Variants in LAMB3 observed in about 807,000 individuals in gnomAD.
LAMB3 encodes laminin subunit beta-3.
In LAMB3, 104 loss-of-function variants were observed where a neutral mutation model predicts 140.3. The ratio of observed to expected loss-of-function variants is 0.74; its 90% CI spans 0.63 to 0.87. LAMB3 has a LOEUF of 0.87. Among genes scored for constraint, LAMB3 ranks in the 40% least tolerant of loss-of-function variants. The pLI is 0.00. For missense variants in LAMB3, 1,531 were observed against 1,575.2 expected (o/e 0.97, Z 0.47); for synonymous variants, 592 against 602.9 (o/e 0.98, Z 0.26).
intron 19 of LAMB3, 144 bp downstream of exon 19, chr1:209,618,308 C>G: frequency 1.1e-6 from 1 of 935,922 alleles, no homozygotes; most frequent in Non-Finnish European, 1.7e-6. Context: ...AACCTGCACT[C>G]TGGACTCTGT....
At chr1:209,620,280 G>A (rs1342810108) in intron 18 of LAMB3, among the ~76,000 whole-genome samples, 1 of 152,220 alleles carries the variant, frequency 6.6e-6, no homozygotes, top group Non-Finnish European at 1.5e-5. Context: ...ATGGGAGACA[G>A]GCACATGAAC....
At chr1:209,624,164 G>T (rs1403010357) in intron 14 of LAMB3, among the ~76,000 whole-genome samples, 164 bp from the exon 15 acceptor site, 8 of 152,188 alleles carry the variant, frequency 5.3e-5, no homozygotes, top group Non-Finnish European at 1.2e-4. Flanking sequence ...GCTGGACAGA[G>T]GCTTGGCGAC....
intron 4 of LAMB3, 53 bp downstream of exon 4, chr1:209,638,481 C>G (rs1015276262): frequency 5.8e-6 from 7 of 1,206,138 alleles, no homozygotes; most frequent in Non-Finnish European, 8.6e-6. Flanking sequence ...TTCCATCCGT[C>G]TTATCCTGTG....
At chr1:209,627,635 A>G (rs1235426367) in intron 11 of LAMB3, 56 bp from the exon 12 acceptor site, 2 of 1,532,042 alleles carry the variant, frequency 1.3e-6, no homozygotes, top group Admixed American at 3.4e-5. Flanking sequence ...ACTCACCCCC[A>G]GAGGACACAC....
chr1:209,622,973 T>C lies in LAMB3; in HGVS notation c.2556+9A>G. On this transcript the variant is annotated intron_variant, in intron 17 of 22. Transcript: ENST00000356082. The stretch of plus-strand genomic sequence containing the variant: ...CTACCTGTGCCCACCCCGCCTCGGC[T>C]GCACTTACCATCTGCCTGGTCCGCT... The C allele has an allele frequency of 6.2e-7, 1 of 1,612,700 alleles. No individual in the cohort carries two copies. The highest frequency in any genetic ancestry group is 8.5e-7 in the Non-Finnish European group (1 of 1,179,912).
In LAMB3 at chr1:209,622,573, T is replaced by C. The variant is rs2102412845; in HGVS notation, c.2664A>G (p.Thr888=). The change falls in exon 18 of 23, where the codon ACA becomes ACG. Residue 888 remains threonine, a synonymous_variant. Transcript: ENST00000356082. The part of the protein sequence containing the change: ...RSQMEEDVRR[T]RLLIQQVRDF... ...CCCGGACCTGCTGGATTAGGAGCCG[T>C]GTGCGTCTGACATCTTCCTCCATCT... 1 of 1,614,054 alleles carries C rather than the reference T, an allele frequency of 6.2e-7. No individual in the cohort carries two copies. The highest frequency in any genetic ancestry group is 8.5e-7 in the Non-Finnish European group (1 of 1,180,000).
Position 209,628,066 on chromosome 1 carries a change from T to G in LAMB3, c.1257A>C (p.Gly419=). Residue 419 remains glycine (G), a synonymous_variant, in exon 11 of 23, where the codon GGA becomes GGC. Coordinates refer to ENST00000356082, the MANE Select transcript of LAMB3 (RefSeq NM_000228.3). ...AGCCCTGCGGGTTGGCGTAGGTGAG[T>G]CCAGTGAAGCCCGGCTTGCATAGGT... ...RCDLCKPGFT[G]LTYANPQGCH... The G allele has an allele frequency of 6.2e-7, 1 of 1,607,310 alleles. No homozygotes were observed. Among genetic ancestry groups the G allele is most frequent in the Non-Finnish European group, 8.5e-7 (1 of 1,176,830 alleles).
In LAMB3 at chr1:209,625,947, CA is replaced by C. The variant is rs1666431089; in HGVS notation, c.1676del (p.Leu559Ter). The C allele has an allele frequency of 7.4e-6, 12 of 1,613,844 alleles. No individual in the cohort carries two copies. The highest frequency in any genetic ancestry group is 1.0e-5 in the Non-Finnish European group (12 of 1,179,910). ...GGCACTGGTCACAGCGGGGCCCGGT[CA>C]AGCCAGGGCGGCAGAGGCAGCGGCC... is the stretch of plus-strand genomic sequence containing the variant. ...ASGRCLCRPG[L>X]TGPRCDQCQR... On this transcript the variant is annotated frameshift_variant, in exon 14 of 23. Coordinates refer to ENST00000356082, the MANE Select transcript of LAMB3 (RefSeq NM_000228.3). LOFTEE classifies it high-confidence loss of function.
Position 209,630,647 on chromosome 1 carries a change from G to T in LAMB3, c.911C>A (p.Pro304Gln). The change falls in exon 9 of 23, where the codon CCG becomes CAG. Residue 304 changes from proline (P) to glutamine (Q), a missense_variant. By Grantham distance (76) the Pro-to-Gln change is moderately conservative. Transcript: ENST00000356082. ...APFYNNRPWR[P>Q]AEGQDAHECQ... ...TTCATGGGCGTCCTGGCCCTCCGCC[G>T]GTCTCCAGGGCCGGTTGTTGTAGAA... 6.2e-7 allele frequency: 1 copy of T among 1,614,134 alleles called. No homozygotes were observed. The highest frequency in any genetic ancestry group is 1.1e-5 in the South Asian group (1 of 91,074).
At position 209,622,574 on chromosome 1, in the gene LAMB3, G is replaced by T. The variant is rs921351166; in HGVS notation, c.2663C>A (p.Thr888Lys). 1.9e-6 allele frequency: 3 copies of T among 1,613,968 alleles called. No homozygotes were observed. Among genetic ancestry groups the T allele is most frequent in the Non-Finnish European group, 2.5e-6 (3 of 1,180,010 alleles). The part of the protein sequence containing the change: ...RSQMEEDVRR[T>K]RLLIQQVRDF... ...CCGGACCTGCTGGATTAGGAGCCGT[G>T]TGCGTCTGACATCTTCCTCCATCTG... is the stretch of plus-strand genomic sequence containing the variant. The change falls in exon 18 of 23, where the codon ACA becomes AAA. Residue 888 changes from threonine (T) to lysine (K), a missense_variant. By Grantham distance (78) the Thr-to-Lys change is moderately conservative. Coordinates refer to ENST00000356082, the MANE Select transcript of LAMB3 (RefSeq NM_000228.3).
In LAMB3 at chr1:209,634,430, G is replaced by A. The variant is rs1666816434; in HGVS notation, c.564+17C>T. 1 of 1,612,558 alleles carries A rather than the reference G, an allele frequency of 6.2e-7. No homozygotes were observed. The highest frequency in any genetic ancestry group is 8.5e-7 in the Non-Finnish European group (1 of 1,178,738). On this transcript the variant is annotated intron_variant, in intron 6 of 22. Coordinates refer to ENST00000356082, the MANE Select transcript of LAMB3 (RefSeq NM_000228.3). ...GATTTCTCCCCAGGCCTACTTTTCA[G>A]GATTCCCTCTACCTACCTTCCCCCC...
At chr1:209,631,903 GT>G (rs1666704767) in intron 8 of LAMB3, among the ~76,000 whole-genome samples, 1 of 152,172 alleles carries the variant, frequency 6.6e-6, no homozygotes, top group Non-Finnish European at 1.5e-5. Flanking sequence ...ATTTCCTCCT[GT>G]CCCCCTGTCA....
In LAMB3 at chr1:209,649,189, C is replaced by G. The variant is rs866183303; in HGVS notation, c.183+775G>C. On this transcript the variant is annotated intron_variant, in intron 3 of 22. Coordinates refer to ENST00000356082, the MANE Select transcript of LAMB3 (RefSeq NM_000228.3). ...GGCAGCCTGGAAAGGGGACAGATAA[C>G]CCCGGTCTCTTTCCCCAAAAGGCTA... is the stretch of plus-strand genomic sequence containing the variant. Among the ~76,000 whole-genome samples, 5 of 152,332 alleles carry G rather than the reference C, an allele frequency of 3.3e-5. No homozygotes were observed. The Middle Eastern group carries it at 0.01, about 311-fold the overall frequency.
chr1:209,630,470 GA>G, intron 9 of LAMB3, 144 bp downstream of exon 9: 1 of 938,196 alleles, frequency 1.1e-6, no homozygotes, highest in Non-Finnish European at 1.6e-6. Flanking sequence ...AGAGCCAGGA[GA>G]GCTTGAATTG....
chr1:209,639,441 C>T (rs572323616), intron 3 of LAMB3, among the ~76,000 whole-genome samples: 30 of 152,258 alleles, frequency 2.0e-4, no homozygotes, highest in Middle Eastern at 3.4e-3. Context: ...GGAGAGCAAC[C>T]GGCCTCACTG....
At chr1:209,648,321 C>T (rs1571840167) in intron 3 of LAMB3, among the ~76,000 whole-genome samples, 1 of 152,196 alleles carries the variant, frequency 6.6e-6, no homozygotes, top group East Asian at 1.9e-4. Context: ...ATCTCTTGCC[C>T]AAGGTCACAC....
At chr1:209,640,804 A>G (rs2076461635) in intron 3 of LAMB3, among the ~76,000 whole-genome samples, 1 of 151,642 alleles carries the variant, frequency 6.6e-6, no homozygotes, top group African/African-American at 2.4e-5. Context: ...AGCACAGGCC[A>G]GGCGCGGTGG....
intron 3 of LAMB3, among the ~76,000 whole-genome samples, chr1:209,640,332 G>A (rs918726725): frequency 2.6e-5 from 4 of 152,220 alleles, no homozygotes; most frequent in Middle Eastern, 3.4e-3. Context: ...GGCAGATCAC[G>A]AGGTCAGGAG....
intron 3 of LAMB3, among the ~76,000 whole-genome samples, chr1:209,644,471 T>C (rs1350980030): frequency 6.6e-6 from 1 of 152,232 alleles, no homozygotes; most frequent in Non-Finnish European, 1.5e-5. Flanking sequence ...TTACAAATGG[T>C]AGGTATCCCC....
Sources: gnomAD v4.1 joint callset for allele counts (sites outside exome capture counted in the v4.1 genomes callset) on GRCh38, gnomAD v4.1.1 for gene constraint, MANE v1.5 for transcripts, NCBI Gene and HGNC (gene_info 2026-07-23, HGNC 2026-07-21) for gene names.